FGF14: variants seen among roughly 807,000 people sequenced by gnomAD.
FGF14 encodes the protein fibroblast growth factor 14.
In FGF14, 5 loss-of-function variants were observed where a neutral mutation model predicts 25.5. The observed-to-expected ratio is 0.20, with a 90% CI of 0.10 to 0.41. FGF14 has a LOEUF of 0.41. Among genes scored for constraint, FGF14 ranks in the 10% least tolerant of loss-of-function variants. The pLI, the probability that FGF14 is intolerant of heterozygous loss-of-function variation, is 1.00. For missense variants in FGF14, 222 were observed against 320.1 expected (o/e 0.69, Z 2.34); for synonymous variants, 138 against 118.3 (o/e 1.17, Z -1.08).
chr13:101,811,709 C>T (rs965805047), intron 3 of FGF14, among the ~76,000 whole-genome samples: 1 of 152,134 alleles, frequency 6.6e-6, no homozygotes, highest in Non-Finnish European at 1.5e-5. Context: ...TTTCAAATTG[C>T]TGTAAAATTT....
chr13:102,152,985 T>C (rs1374372931), intron 1 of FGF14, among the ~76,000 whole-genome samples: 1 of 152,198 alleles, frequency 6.6e-6, no homozygotes, highest in Non-Finnish European at 1.5e-5. Context: ...CCCAGGTCCT[T>C]GCTAGCATCA....
At chr13:102,113,468 T>A (rs560836551) in intron 1 of FGF14, among the ~76,000 whole-genome samples, 43 of 152,318 alleles carry the variant, frequency 2.8e-4, no homozygotes, top group African/African-American at 4.1e-4. Context: ...CTGGGGACTA[T>A]TTACTGTAAA....
At chr13:101,883,495 C>G (rs577623020) in intron 1 of FGF14, among the ~76,000 whole-genome samples, 4 of 152,140 alleles carry the variant, frequency 2.6e-5, no homozygotes, top group Non-Finnish European at 4.4e-5. Context: ...TTGTTAGGAG[C>G]TGAGAGGAAT....
At chr13:102,299,065 T>A (rs1256934202) in intron 1 of FGF14, among the ~76,000 whole-genome samples, 10 of 152,170 alleles carry the variant, frequency 6.6e-5, no homozygotes, top group African/African-American at 2.2e-4. Flanking sequence ...TCAATGATGG[T>A]GATAAAGCAG....
intron 1 of FGF14, among the ~76,000 whole-genome samples, chr13:101,925,720 G>A (rs2493588): frequency 0.5 from 75,401 of 152,070 alleles, 21,394 homozygotes; most frequent in African/African-American, 0.77. Context: ...AACCTACAGT[G>A]TAAGTTTCAT....
At chr13:101,935,483 GA>G (rs2035038369) in intron 1 of FGF14, among the ~76,000 whole-genome samples, 1 of 152,220 alleles carries the variant, frequency 6.6e-6, no homozygotes, top group South Asian at 2.1e-4. Flanking sequence ...ATTGGATCAT[GA>G]GAGCGGTTTC....
chr13:102,339,132 C>A (rs530025132), intron 1 of FGF14, among the ~76,000 whole-genome samples: 8 of 151,942 alleles, frequency 5.3e-5, no homozygotes, highest in African/African-American at 1.9e-4. Context: ...GGTGTGAACA[C>A]CCCGTTTTCC....
Position 101,857,994 on chromosome 13 carries a change from T to C in FGF14, c.408+10731A>G, listed in dbSNP as rs564317998. ...GCTTTTCAATAAGAATTGTTTTAGT[T>C]ATTCCTCTGGAAAAAAAGAAAAAAG... On this transcript the variant is annotated intron_variant, in intron 3 of 4. Coordinates refer to ENST00000376143, the MANE Select transcript of FGF14 (RefSeq NM_004115.4). Among the ~76,000 whole-genome samples, 3 of 152,174 alleles carry C rather than the reference T, an allele frequency of 2.0e-5. No individual in the cohort carries two copies. The East Asian group carries it at 5.8e-4, about 29-fold the overall frequency.
intron 1 of FGF14, among the ~76,000 whole-genome samples, chr13:102,314,470 G>A (rs2055923306): frequency 1.3e-5 from 2 of 151,862 alleles, no homozygotes; most frequent in African/African-American, 2.4e-5. Context: ...TCAACAAACC[G>A]AACATATTAA....
chr13:102,207,551 GA>G lies in FGF14; in HGVS notation c.208+193919del, dbSNP rs796978890. ...AAAGCATTTGAAAAATGCTGGTCTT[GA>G]AAAAAAAATAACAATGACATTTTAA... On this transcript the variant is annotated intron_variant, in intron 1 of 4. Coordinates refer to the FGF14 transcript ENST00000376131. Among the ~76,000 whole-genome samples, 469 of 121,714 alleles carry G rather than the reference GA, an allele frequency of 3.9e-3. 7 individuals are homozygous for G. The highest frequency in any genetic ancestry group is 0.013 in the African/African-American group (432 of 32,220). The allele number at this position is 121,714 out of a possible 152,430, so 79.8% of individuals were successfully genotyped here. A position where few individuals can be genotyped will look rare whatever the true frequency, so the allele number is the denominator to read the frequency against.
At chr13:101,882,819 G>T (rs2045783620) in intron 1 of FGF14, among the ~76,000 whole-genome samples, 1 of 152,092 alleles carries the variant, frequency 6.6e-6, no homozygotes, top group Non-Finnish European at 1.5e-5. Context: ...ACACTTTAAA[G>T]CTACTTCCAT....
rs9634527 is a variant in FGF14 at position 101,798,881 on chromosome 13, C to T, written c.408+69844G>A. Among the ~76,000 whole-genome samples, 421 of 152,232 alleles carry T rather than the reference C, an allele frequency of 2.8e-3. 13 individuals carry two copies. In the East Asian group the frequency reaches 0.068, roughly 25 times the overall value. On this transcript the variant is annotated intron_variant, in intron 3 of 4. Coordinates refer to ENST00000376143, the MANE Select transcript of FGF14 (RefSeq NM_004115.4). ...GCAGTGAGAAAGTCAGCTTCATCAA[C>T]GACCTTGGCATGACATTTGCAAAAT...
At chr13:101,727,978 A>G (rs2035556107) in intron 3 of FGF14, among the ~76,000 whole-genome samples, 1 of 152,152 alleles carries the variant, frequency 6.6e-6, no homozygotes, top group Admixed American at 6.6e-5. Context: ...GTTTTCTTCT[A>G]AAAATGTTGT....
At chr13:101,964,738 C>A (rs1294869927) in intron 1 of FGF14, among the ~76,000 whole-genome samples, 1 of 150,488 alleles carries the variant, frequency 6.6e-6, no homozygotes, top group Non-Finnish European at 1.5e-5. Context: ...ATAGTATTTC[C>A]CTTTCCTTTT....
chr13:101,968,244 A>G (rs2037342934), intron 1 of FGF14, among the ~76,000 whole-genome samples: 1 of 152,242 alleles, frequency 6.6e-6, no homozygotes, highest in South Asian at 2.1e-4. Context: ...GGCTATGCCT[A>G]ATTTATTAAG....
intron 1 of FGF14, among the ~76,000 whole-genome samples, chr13:102,135,817 G>A (rs909026060): frequency 1.3e-5 from 2 of 152,004 alleles, no homozygotes; most frequent in East Asian, 1.9e-4. Flanking sequence ...CACCACGCCC[G>A]GCTAATTTTT....
intron 4 of FGF14, among the ~76,000 whole-genome samples, chr13:101,724,652 C>T (rs1030168777): frequency 8.4e-6 from 1 of 119,246 alleles, no homozygotes; most frequent in East Asian, 2.3e-4. Flanking sequence ...TATGAATGCC[C>T]TAGAGTACCA....
chr13:101,763,863 A>AAAACAAACAAACAAACAAAC (rs555541607), intron 3 of FGF14, among the ~76,000 whole-genome samples: 20 of 152,106 alleles, frequency 1.3e-4, no homozygotes, highest in African/African-American at 4.8e-4. Context: ...TCTGTCTCAA[A>AAAACAAACAAACAAACAAAC]AAACAAACAA....
chr13:101,789,269 C>T (rs760271542), intron 3 of FGF14, among the ~76,000 whole-genome samples: 4 of 151,996 alleles, frequency 2.6e-5, no homozygotes, highest in Non-Finnish European at 5.9e-5. Flanking sequence ...CTTATATTCT[C>T]TTTTGTGTCT....
Sources: allele counts gnomAD v4.1 joint callset (sites outside exome capture counted in the v4.1 genomes callset), GRCh38; gene constraint gnomAD v4.1.1; transcripts MANE v1.5; gene names NCBI Gene and HGNC (gene_info 2026-07-23, HGNC 2026-07-21).